TENM2: variants seen among roughly 807,000 people sequenced by gnomAD.
TENM2 encodes the protein teneurin transmembrane protein 2.
Under a neutral mutation model 245.2 loss-of-function variants are expected in TENM2, and 52 were observed. The ratio of observed to expected loss-of-function variants is 0.21; its 90% CI spans 0.17 to 0.27. TENM2 has a LOEUF of 0.27. Among genes scored for constraint, TENM2 ranks in the 10% least tolerant of loss-of-function variants. TENM2 has a pLI of 1.00. For missense variants in TENM2, 3,046 were observed against 3,666.8 expected (o/e 0.83, Z 4.37); for synonymous variants, 1,363 against 1,438.9 (o/e 0.95, Z 1.19).
intron 2 of TENM2, among the ~76,000 whole-genome samples, chr5:167,397,384 A>G (rs1178767800): frequency 6.6e-6 from 1 of 152,162 alleles, no homozygotes; most frequent in Non-Finnish European, 1.5e-5. Context: ...TTTTCTCAAA[A>G]TAATCACAAA....
chr5:168,254,342 G>C (rs1179663111), intron 27 of TENM2, among the ~76,000 whole-genome samples: 1 of 152,180 alleles, frequency 6.6e-6, no homozygotes. Flanking sequence ...GCCTTCCGCA[G>C]CATGGAGCGG....
intron 2 of TENM2, among the ~76,000 whole-genome samples, chr5:167,459,639 A>G (rs938178290): frequency 3.3e-5 from 5 of 152,198 alleles, no homozygotes; most frequent in African/African-American, 9.7e-5. Context: ...TCAACAGTGC[A>G]TAAGCATGCC....
At chr5:167,881,442 G>A (rs1195585198) in intron 3 of TENM2, among the ~76,000 whole-genome samples, 1 of 152,110 alleles carries the variant, frequency 6.6e-6, no homozygotes, top group Non-Finnish European at 1.5e-5. Flanking sequence ...AGTTTCTCTG[G>A]TGACAGATTC....
chr5:167,479,637 C>A (rs1230164763), intron 2 of TENM2, among the ~76,000 whole-genome samples: 2 of 152,052 alleles, frequency 1.3e-5, no homozygotes, highest in African/African-American at 4.8e-5. Flanking sequence ...TTTACTTGAA[C>A]ATAAAGTTTT....
chr5:168,164,287 G>A (rs1458811004), intron 13 of TENM2, among the ~76,000 whole-genome samples: 1 of 151,868 alleles, frequency 6.6e-6, no homozygotes, highest in Non-Finnish European at 1.5e-5. Context: ...TTTGTGGTAA[G>A]AACATTTTAA....
chr5:167,874,194 A>T (rs1228254426), intron 2 of TENM2, among the ~76,000 whole-genome samples: 3 of 152,146 alleles, frequency 2.0e-5, no homozygotes, highest in African/African-American at 7.2e-5. Context: ...ACATGCCGCT[A>T]TTCTGCTTTT....
At chr5:167,929,680 C>T (rs1207991763) in intron 3 of TENM2, among the ~76,000 whole-genome samples, 1 of 152,106 alleles carries the variant, frequency 6.6e-6, no homozygotes, top group African/African-American at 2.4e-5. Context: ...CATAGAATGG[C>T]TTGTCAAAGA....
At chr5:168,174,196 G>A (rs1474406548) in intron 13 of TENM2, among the ~76,000 whole-genome samples, 1 of 152,164 alleles carries the variant, frequency 6.6e-6, no homozygotes, top group Non-Finnish European at 1.5e-5. Flanking sequence ...CAGCTGAGAA[G>A]CAGGCGTGGC....
Position 168,140,152 on chromosome 5 carries a change from T to C in TENM2, c.2422+13186T>C, listed in dbSNP as rs183992845. Among the ~76,000 whole-genome samples the C allele has an allele frequency of 7.9e-5, 12 of 152,286 alleles. No homozygotes were observed. The East Asian group carries it at 1.2e-3, about 15-fold the overall frequency. ...TAAGCTGGTGGGAGTCTCATTACCA[T>C]GATACAATGGTGATACTTTGCACTT... is the stretch of plus-strand genomic sequence containing the variant. On this transcript the variant is annotated intron_variant, in intron 12 of 28. Transcript: ENST00000518659.
chr5:167,139,268 C>T, the TENM2 span, among the ~76,000 whole-genome samples: 2 of 152,174 alleles, frequency 1.3e-5, no homozygotes, highest in East Asian at 1.9e-4. Context: ...GAACTACTTA[C>T]GTGTCAACAT....
chr5:168,194,948 G>A (rs1280341098), intron 14 of TENM2, among the ~76,000 whole-genome samples: 1 of 152,214 alleles, frequency 6.6e-6, no homozygotes, highest in Non-Finnish European at 1.5e-5. Context: ...GGCCAAGAGT[G>A]GAAGGCGGGT....
At chr5:167,633,189 C>T (rs1012370944) in intron 2 of TENM2, among the ~76,000 whole-genome samples, 2 of 152,142 alleles carry the variant, frequency 1.3e-5, no homozygotes, top group Non-Finnish European at 2.9e-5. Flanking sequence ...GTAGTAAATA[C>T]AGCCACAGCG....
intron 2 of TENM2, among the ~76,000 whole-genome samples, chr5:167,598,960 C>G (rs948815714): frequency 1.2e-4 from 18 of 152,120 alleles, no homozygotes; most frequent in African/African-American, 4.3e-4. Context: ...CTAGCAAAGC[C>G]TCAAAGATTA....
the TENM2 span, among the ~76,000 whole-genome samples, chr5:166,984,927 T>G: frequency 6.6e-6 from 1 of 152,138 alleles, no homozygotes; most frequent in African/African-American, 2.4e-5. Flanking sequence ...TTAGTCTTTA[T>G]TTTTTAAAAA....
intron 25 of TENM2, among the ~76,000 whole-genome samples, chr5:168,243,392 A>T (rs1032844388): frequency 2.0e-5 from 3 of 152,172 alleles, no homozygotes; most frequent in African/African-American, 7.2e-5. Flanking sequence ...CTTTGTTGGA[A>T]ATCCCCTAGC....
intron 2 of TENM2, among the ~76,000 whole-genome samples, chr5:167,844,626 C>T (rs1429678906): frequency 6.6e-6 from 1 of 152,138 alleles, no homozygotes; most frequent in Non-Finnish European, 1.5e-5. Flanking sequence ...GGTGCACCTG[C>T]TATAAGATGG....
intron 1 of TENM2, among the ~76,000 whole-genome samples, chr5:167,324,523 C>T (rs1010617600): frequency 2.0e-5 from 3 of 151,974 alleles, no homozygotes; most frequent in Non-Finnish European, 4.4e-5. Flanking sequence ...GATCACAAAA[C>T]TCTGAACTGC....
chr5:168,094,249 T>G (rs1363400550), intron 8 of TENM2, among the ~76,000 whole-genome samples: 2 of 152,068 alleles, frequency 1.3e-5, no homozygotes, highest in Non-Finnish European at 2.9e-5. Context: ...ATACCTCAAG[T>G]GAAGCCCTCC....
chr5:167,609,515 A>AAAAAAAAAAAAAAAAAAAAAG (rs1582533515), intron 2 of TENM2, among the ~76,000 whole-genome samples: 1 of 87,826 alleles, frequency 1.1e-5, no homozygotes, highest in African/African-American at 3.2e-5. Context: ...AAAAAAAACA[A>AAAAAAAAAAAAAAAAAAAAAG]AACCTTACCT....
Sources: gnomAD v4.1 joint callset for allele counts (sites outside exome capture counted in the v4.1 genomes callset) on GRCh38, gnomAD v4.1.1 for gene constraint, MANE v1.5 for transcripts, NCBI Gene and HGNC (gene_info 2026-07-23, HGNC 2026-07-21) for gene names.